Variants in UBE2O observed in about 807,000 individuals in gnomAD.
UBE2O encodes (E3-independent) E2 ubiquitin-conjugating enzyme.
In UBE2O, 15 loss-of-function variants were observed where a neutral mutation model predicts 125.8. The ratio of observed to expected loss-of-function variants is 0.12; its 90% confidence interval spans 0.08 to 0.18. UBE2O has a LOEUF of 0.18. UBE2O is among the 10% of genes least tolerant of loss of function. The pLI is 1.00. For missense variants in UBE2O, 1,280 were observed against 1,723.6 expected (o/e 0.74, Z 4.56); for synonymous variants, 708 against 703.2 (o/e 1.01, Z -0.11).
intron 1 of UBE2O, among the ~76,000 whole-genome samples, chr17:76,420,561 C>A (rs1345657673): frequency 6.6e-6 from 1 of 152,138 alleles, no homozygotes; most frequent in Non-Finnish European, 1.5e-5. Context: ...TCATGACCCA[C>A]CCTGGAATGA....
chr17:76,449,837 T>C (rs969607943), intron 1 of UBE2O, among the ~76,000 whole-genome samples: 1 of 152,044 alleles, frequency 6.6e-6, no homozygotes, highest in African/African-American at 2.4e-5. Context: ...GGAGAATCGC[T>C]TGAACCCGGG....
At chr17:76,416,142 TA>T (rs2072610835) in intron 1 of UBE2O, among the ~76,000 whole-genome samples, 1 of 151,586 alleles carries the variant, frequency 6.6e-6, no homozygotes, top group Non-Finnish European at 1.5e-5. Flanking sequence ...CGTGTATAGA[TA>T]TATAAAGTGT....
intron 1 of UBE2O, among the ~76,000 whole-genome samples, chr17:76,412,969 T>C (rs561591248): frequency 4.3e-4 from 66 of 152,138 alleles, no homozygotes; most frequent in South Asian, 2.1e-3. Context: ...GATTGCGCCA[T>C]TGCACTCCAG....
intron 1 of UBE2O, among the ~76,000 whole-genome samples, chr17:76,407,812 C>T (rs1354509701): frequency 6.6e-6 from 1 of 152,224 alleles, no homozygotes; most frequent in Non-Finnish European, 1.5e-5. Context: ...GCCATTCTTC[C>T]CGTGGGGTCT....
Position 76,391,795 on chromosome 17 carries a change from T to C in UBE2O, c.3169A>G (p.Ser1057Gly), listed in dbSNP as rs1049309220. The C allele has an allele frequency of 3.7e-6, 6 of 1,614,024 alleles. No homozygotes were observed. The highest frequency in any genetic ancestry group is 2.7e-5 in the African/African-American group (2 of 74,926). ...AGCACCTGGAGAAGGCTGGACTTGC[T>C]TGTCCACCTCTCTGTCCCCTGAAAC... ...WIGKGTERWTSKSSLLQVLIS... is the reference protein window; with the variant it reads ...WIGKGTERWTGKSSLLQVLIS... The change falls in exon 17 of 18, where the codon AGC becomes GGC. Residue 1057 changes from serine to glycine, a missense_variant. Ser to Gly is a moderately conservative substitution (Grantham distance 56). Transcript: ENST00000319380. This position sits in a 1 kb window ranked among gnomAD's most constrained non-coding sequence, Gnocchi z 8.4.
Position 76,400,961 on chromosome 17 carries a change from A to G in UBE2O, c.894+50T>C. ...AGGAAAGGGGCAGCAGCTCAGCTCC[A>G]GGGTGTGGAGGTCAAGGACTCCATC... On this transcript the variant is annotated intron_variant, in intron 6 of 17. Coordinates refer to ENST00000319380, the MANE Select transcript of UBE2O (RefSeq NM_022066.4). This position sits in a 1 kb window ranked among gnomAD's most constrained non-coding sequence, Gnocchi z 4.3. 2 of 1,604,862 alleles carry G rather than the reference A, an allele frequency of 1.2e-6. No individual in the cohort carries two copies. Among genetic ancestry groups the G allele is most frequent in the Non-Finnish European group, 8.5e-7 (1 of 1,174,618 alleles).
rs753742875 is a variant in UBE2O, at chr17:76,399,507, T to G, written c.1570A>C (p.Lys524Gln). 3.7e-6 allele frequency: 6 copies of G among 1,614,052 alleles called. No individual in the cohort carries two copies. Among genetic ancestry groups the G allele is most frequent in the Non-Finnish European group, 4.2e-6 (5 of 1,180,030 alleles). Residue 524 changes from lysine (K) to glutamine (Q), a missense_variant, in exon 9 of 18, where the codon AAG (lysine) becomes CAG (glutamine). Transcript: ENST00000319380. This position sits in a 1 kb window ranked among gnomAD's most constrained non-coding sequence, Gnocchi z 6.9. ...TTCTTCTTCCTCTTGTGTTTGCGCT[T>G]TAAGTTCTTGATGGACAAGGGGATG... ...KSIPLSIKNL[K>Q]RKHKRKKNKI... is the part of the protein sequence containing the mutation.
intron 1 of UBE2O, among the ~76,000 whole-genome samples, chr17:76,440,594 T>C (rs1054859669): frequency 1.3e-5 from 2 of 152,224 alleles, no homozygotes; most frequent in African/African-American, 2.4e-5. Context: ...TCCCAAAGTG[T>C]TGGGATTATA....
chr17:76,439,336 C>CCCCA, intron 1 of UBE2O, among the ~76,000 whole-genome samples: 1 of 152,326 alleles, frequency 6.6e-6, no homozygotes, highest in East Asian at 1.9e-4. Flanking sequence ...ACTTCTTCCA[C>CCCCA]CCCACCTCTA....
chr17:76,405,390 AC>A lies in UBE2O; in HGVS notation c.478-75del. Reference sequence around the variant, plus strand: ...CACCAGGGGAGACCCAGCCCAGGCAACCCCAGCGCACCCCCTGCAGAGCTGG... The same window carrying A: ...CACCAGGGGAGACCCAGCCCAGGCAACCCAGCGCACCCCCTGCAGAGCTGG... On this transcript the variant is annotated intron_variant, in intron 2 of 17. Transcript: ENST00000319380. The surrounding 1 kb of genome is among the most constrained non-coding windows in gnomAD (Gnocchi z 6.1). 3.3e-6 allele frequency: 5 copies of A among 1,493,916 alleles called. No individual in the cohort carries two copies. The highest frequency in any genetic ancestry group is 4.6e-6 in the Non-Finnish European group (5 of 1,087,334). The allele number at this position is 1,493,916 out of a possible 1,614,324, so 92.5% of individuals were successfully genotyped here. A position where few individuals can be genotyped will look rare whatever the true frequency, so the allele number is the denominator to read the frequency against.
chr17:76,422,837 A>G (rs910488676), intron 1 of UBE2O, among the ~76,000 whole-genome samples: 13 of 152,204 alleles, frequency 8.5e-5, no homozygotes, highest in Non-Finnish European at 1.5e-4. Context: ...TGAACCACAC[A>G]AGGGCAGGCA....
In UBE2O at chr17:76,410,815, C is replaced by T. The variant is rs2143756133; in HGVS notation, c.418-5243G>A. On this transcript the variant is annotated intron_variant, in intron 1 of 17. Transcript: ENST00000319380. This position sits in a 1 kb window ranked among gnomAD's most constrained non-coding sequence, Gnocchi z 4.0. ...CCAAGGCACATGCTGCTTCTCTGAGCTGCAGTCTTGAGGCTGACCCCCAAT... is the reference window on the plus strand; with the variant it reads ...CCAAGGCACATGCTGCTTCTCTGAGTTGCAGTCTTGAGGCTGACCCCCAAT... Among the ~76,000 whole-genome samples the T allele has an allele frequency of 6.6e-6, 1 of 152,262 alleles. No individual in the cohort carries two copies. The highest frequency in any genetic ancestry group is 1.9e-4 in the East Asian group (1 of 5,178).
chr17:76,435,443 CACACACACACACAA>C (rs1387459083), intron 1 of UBE2O, among the ~76,000 whole-genome samples: 6 of 151,168 alleles, frequency 4.0e-5, no homozygotes, highest in African/African-American at 1.5e-4. Context: ...CACACACACA[CACACACACACACAA>C]AGATTAAGAT....
At chr17:76,446,243 A>T (rs1272464695) in intron 1 of UBE2O, among the ~76,000 whole-genome samples, 1 of 151,974 alleles carries the variant, frequency 6.6e-6, no homozygotes, top group Non-Finnish European at 1.5e-5. Flanking sequence ...CCTGACTCCA[A>T]CTCTGAGGGG....
intron 1 of UBE2O, among the ~76,000 whole-genome samples, chr17:76,443,671 C>G (rs2073110343): frequency 6.6e-6 from 1 of 151,978 alleles, no homozygotes. Flanking sequence ...CCCACAAAGT[C>G]TACATGGCAC....
chr17:76,399,547 C>A lies in UBE2O; in HGVS notation c.1530G>T (p.Thr510=). The A allele has an allele frequency of 6.2e-7, 1 of 1,614,166 alleles. No individual in the cohort carries two copies. The highest frequency in any genetic ancestry group is 8.5e-7 in the Non-Finnish European group (1 of 1,180,032). Residue 510 remains threonine (T), a synonymous_variant, in exon 9 of 18, where the codon ACG becomes ACT. Transcript: ENST00000319380. The surrounding 1 kb of genome is among the most constrained non-coding windows in gnomAD (Gnocchi z 6.9). ...STTSSQSGSG[T]SRKKSIPLSI... ...ACAAGGGGATGCTCTTTTTGCGACT[C>A]GTGCCGCTGCCGCTCTGGGAGGAAG...
In UBE2O at chr17:76,413,376, T is replaced by C. The variant is rs1366089355; in HGVS notation, c.418-7804A>G. ...TGGCATATTCCCCAAAGCAGCACTT[T>C]TTTTCAAACCATGTGTTGTGACCCA... On this transcript the variant is annotated intron_variant, in intron 1 of 17. Coordinates refer to ENST00000319380, the MANE Select transcript of UBE2O (RefSeq NM_022066.4). Among the ~76,000 whole-genome samples the C allele has an allele frequency of 2.0e-5, 3 of 152,274 alleles. No individual in the cohort carries two copies. The East Asian group carries it at 5.8e-4, about 29-fold the overall frequency.
chr17:76,401,281 C>G (rs1204100260), intron 5 of UBE2O, 127 bp from the exon 6 acceptor site: 6 of 1,117,186 alleles, frequency 5.4e-6, no homozygotes, highest in Non-Finnish European at 7.5e-6. Context: ...CCCACACGCC[C>G]TAAAACAAGT....
chr17:76,398,712 G>C lies in UBE2O; in HGVS notation c.1783+125C>G, dbSNP rs928507932. On this transcript the variant is annotated intron_variant, in intron 10 of 17. Transcript: ENST00000319380. This position sits in a 1 kb window ranked among gnomAD's most constrained non-coding sequence, Gnocchi z 5.4. Reference sequence around the variant, plus strand: ...TGGAAGTGGTGAGACCCCTTCATGAGGGCAGTCCCCTTCTGGACCTCATTT... The same window carrying C: ...TGGAAGTGGTGAGACCCCTTCATGACGGCAGTCCCCTTCTGGACCTCATTT... 9.6e-6 allele frequency: 14 copies of C among 1,464,082 alleles called. No homozygotes were observed. The African/African-American group carries it at 1.8e-4, about 19-fold the overall frequency. 90.7% of individuals were successfully genotyped at this position (1,464,082 alleles called of 1,614,324 possible).
Sources: allele counts gnomAD v4.1 joint callset (sites outside exome capture counted in the v4.1 genomes callset), GRCh38; gene constraint gnomAD v4.1.1; non-coding constraint Gnocchi (gnomAD v3.1); transcripts MANE v1.5; gene names NCBI Gene and HGNC (gene_info 2026-07-23, HGNC 2026-07-21).